Variants in ELP2 observed in about 807,000 individuals in gnomAD.
ELP2 encodes elongator complex protein 2.
ELP2 carries 90 observed loss-of-function variants against 119.2 expected under a neutral mutation model. The ratio of observed to expected loss-of-function variants is 0.75; its 90% CI spans 0.64 to 0.90. The LOEUF (loss-of-function observed/expected upper bound fraction) is 0.90. Among genes scored for constraint, ELP2 ranks in the 40% least tolerant of loss-of-function variants. The pLI, the probability that ELP2 is intolerant of heterozygous loss-of-function variation, is 0.00. For synonymous variants in ELP2, 339 were observed against 331.0 expected, an observed-to-expected ratio of 1.02 and a Z score of -0.26; for missense variants, 921 against 967.8, an observed-to-expected ratio of 0.95 and a Z score of 0.64.
At position 36,130,039 on chromosome 18, in the gene ELP2, A is replaced by G. The variant is rs2089537158; in HGVS notation, c.106A>G (p.Thr36Ala). 6.2e-7 allele frequency: 1 copy of G among 1,614,010 alleles called. No individual in the cohort carries two copies. Among genetic ancestry groups the G allele is most frequent in the Non-Finnish European group, 8.5e-7 (1 of 1,180,018 alleles). Reference sequence around the variant, plus strand: ...GCCCAGAGGACTTCTGGCCTTTGGCACGTCCTGCTCCGTGGTGCTCTATGA... The same window carrying G: ...GCCCAGAGGACTTCTGGCCTTTGGCGCGTCCTGCTCCGTGGTGCTCTATGA... Reference protein sequence around the residue: ...SGPRGLLAFGTSCSVVLYDPL... With the variant: ...SGPRGLLAFGASCSVVLYDPL... Residue 36 changes from threonine to alanine, a missense_variant, in exon 1 of 22, where the codon ACG (threonine) becomes GCG (alanine). By Grantham distance (58) the Thr-to-Ala change is moderately conservative. Transcript: ENST00000358232.
At chr18:36,130,101 T>TG in intron 1 of ELP2, 30 bp downstream of exon 1, 1 of 1,613,706 alleles carries the variant, frequency 6.2e-7, no homozygotes, top group Non-Finnish European at 8.5e-7. Context: ...GGCCGACCCT[T>TG]GTGCTTTTCG....
chr18:36,170,122 C>T lies in ELP2; in HGVS notation c.2136C>T (p.Pro712=), dbSNP rs745699889. 1 of 1,614,098 alleles carries T rather than the reference C, an allele frequency of 6.2e-7. No individual in the cohort carries two copies. Among genetic ancestry groups the T allele is most frequent in the Non-Finnish European group, 8.5e-7 (1 of 1,180,018 alleles). ...TDDCIEHNIG[P]CSSVLDVGGA... ...ACTGTATTGAGCACAACATTGGCCC[C>T]TGCTCCTCAGTCCTGGACGTGGGTG... The change falls in exon 20 of 22, where the codon CCC becomes CCT. Residue 712 remains proline (P), a synonymous_variant. Transcript: ENST00000358232.
Position 36,177,635 on chromosome 18 carries a change from A to G in ELP2, c.*2994A>G, listed in dbSNP as rs1476320405. 6.6e-6 allele frequency: 1 copy of G among 152,176 alleles called. No homozygotes were observed. Among genetic ancestry groups the G allele is most frequent in the Non-Finnish European group, 1.5e-5 (1 of 68,032 alleles). The allele number at this position is 152,176 out of a possible 1,614,324, so 9.4% of individuals were successfully genotyped here. A position where few individuals can be genotyped will look rare whatever the true frequency, so the allele number is the denominator to read the frequency against. On this transcript the variant is annotated 3_prime_UTR_variant, in exon 22 of 22. Coordinates refer to ENST00000358232, the MANE Select transcript of ELP2 (RefSeq NM_018255.4). ...AACTGTACACTCTAAAATGGTTAAG[A>G]TGGTAAATCTTATCTTTATTTTACC... is the stretch of plus-strand genomic sequence containing the variant.
chr18:36,133,166 C>T (rs1386159267), intron 1 of ELP2, 72 bp from the exon 2 acceptor site: 4 of 1,035,922 alleles, frequency 3.9e-6, no homozygotes, highest in African/African-American at 1.6e-5. Flanking sequence ...ACACTGAAAT[C>T]TGTTTTTACT....
Position 36,146,332 on chromosome 18 carries a change from A to G in ELP2, c.1076A>G (p.His359Arg), listed in dbSNP as rs16967474. 0.012 allele frequency: 18,580 copies of G among 1,614,048 alleles called. 1,048 individuals carry two copies. The African/African-American group carries it at 0.15, about 13-fold the overall frequency. ...FNEDGSMIIA[H>R]AFHGALHLWK... ...GAAGATGGCTCCATGATCATTGCTC[A>G]TGCTTTCCACGGAGCGTTGCACCTT... Residue 359 changes from histidine to arginine, a missense_variant, in exon 11 of 22, where the codon CAT becomes CGT. By Grantham distance (29) the His-to-Arg change is conservative. Coordinates refer to ENST00000358232, the MANE Select transcript of ELP2 (RefSeq NM_018255.4).
Position 36,145,968 on chromosome 18 carries a change from G to A in ELP2, c.913G>A (p.Val305Met), listed in dbSNP as rs1785928. The change falls in exon 10 of 22, where the codon GTG (valine) becomes ATG (methionine). Residue 305 changes from valine to methionine, a missense_variant. Coordinates refer to ENST00000358232, the MANE Select transcript of ELP2 (RefSeq NM_018255.4). ...FYKDGVLQQPVRLLSASMDKT... is the reference protein window; with the variant it reads ...FYKDGVLQQPMRLLSASMDKT... Reference sequence around the variant, plus strand: ...TTTAGATGGTGTCCTACAGCAGCCAGTGAGATTATTATCTGCTTCCATGGA... The same window carrying A: ...TTTAGATGGTGTCCTACAGCAGCCAATGAGATTATTATCTGCTTCCATGGA... 0.35 allele frequency: 572,038 copies of A among 1,611,440 alleles called. 103,372 individuals carry two copies. Among genetic ancestry groups the A allele is most frequent in the Admixed American group, 0.39 (23,328 of 60,002 alleles).
intron 17 of ELP2, among the ~76,000 whole-genome samples, chr18:36,163,838 C>T (rs1010091512): frequency 4.6e-5 from 7 of 151,960 alleles, no homozygotes; most frequent in African/African-American, 9.7e-5. Context: ...CTGTTAGTAA[C>T]GATAGTGTTT....
chr18:36,138,626 A>G (rs1192158862), intron 4 of ELP2, 169 bp from the exon 5 acceptor site: 51 of 865,620 alleles, frequency 5.9e-5, no homozygotes, highest in Non-Finnish European at 4.8e-5. Flanking sequence ...TGCTGTCTGT[A>G]ACATCATTAA....
intron 18 of ELP2, chr18:36,166,864 G>C (rs1400867810): frequency 3.4e-6 from 1 of 292,964 alleles, no homozygotes; most frequent in East Asian, 5.8e-5. Context: ...GAAGATGTTT[G>C]TCATCAGTCA....
At chr18:36,149,780 TAC>T (rs1288376783) in intron 11 of ELP2, among the ~76,000 whole-genome samples, 1 of 151,990 alleles carries the variant, frequency 6.6e-6, no homozygotes, top group Non-Finnish European at 1.5e-5. Context: ...TGAGTGTGAG[TAC>T]ACACTCATGA....
At chr18:36,140,469 CCT>C (rs1265942504) in intron 5 of ELP2, among the ~76,000 whole-genome samples, 1 of 152,078 alleles carries the variant, frequency 6.6e-6, no homozygotes, top group Non-Finnish European at 1.5e-5. Context: ...GCTTCAGCCT[CCT>C]GAGTAACTGG....
chr18:36,145,104 A>C, intron 9 of ELP2, 70 bp downstream of exon 9: 1 of 1,221,440 alleles, frequency 8.2e-7, no homozygotes, highest in Non-Finnish European at 1.2e-6. Context: ...TGACCAAATC[A>C]AGTGGAGAAT....
At chr18:36,140,062 T>C (rs765031878) in intron 5 of ELP2, among the ~76,000 whole-genome samples, 4 of 152,146 alleles carry the variant, frequency 2.6e-5, no homozygotes, top group Non-Finnish European at 5.9e-5. Context: ...CAGGCTGGTC[T>C]TGGACTCCTG....
At chr18:36,147,169 G>C (rs1017762810) in intron 11 of ELP2, among the ~76,000 whole-genome samples, 4 of 151,116 alleles carry the variant, frequency 2.6e-5, no homozygotes, top group Non-Finnish European at 5.9e-5. Context: ...ATTCTCCTGG[G>C]GTTAAGCCAT....
intron 14 of ELP2, 130 bp from the exon 15 acceptor site, chr18:36,159,605 C>A: frequency 1.3e-6 from 1 of 747,150 alleles, no homozygotes; most frequent in East Asian, 2.5e-5. Context: ...CCTTTGGAAT[C>A]ACATGGACAC....
At chr18:36,131,569 C>G (rs2089628651) in intron 1 of ELP2, among the ~76,000 whole-genome samples, 1 of 152,190 alleles carries the variant, frequency 6.6e-6, no homozygotes. Context: ...CTTTTAAAAT[C>G]AACTCCGTCG....
chr18:36,172,813 T>G (rs1048029860), intron 21 of ELP2, among the ~76,000 whole-genome samples: 73 of 152,342 alleles, frequency 4.8e-4, no homozygotes, highest in African/African-American at 1.7e-3. Context: ...TTTGAGTTTT[T>G]TGTCTGAAGG....
intron 19 of ELP2, among the ~76,000 whole-genome samples, chr18:36,169,227 G>A (rs1282224346): frequency 1.3e-5 from 2 of 151,352 alleles, no homozygotes; most frequent in East Asian, 3.9e-4. Context: ...CGCTCAGCCT[G>A]CTCTCCATTT....
At position 36,176,980 on chromosome 18, in the gene ELP2, G is replaced by T. The variant is rs1003230904; in HGVS notation, c.*2339G>T. On this transcript the variant is annotated 3_prime_UTR_variant, in exon 22 of 22. Transcript: ENST00000358232. The stretch of plus-strand genomic sequence containing the variant: ...TTTTCTGTAGTGACGCACGTGTTGT[G>T]TGTGTATGTGTGCGTTTGAGGCTAT... 1 of 152,100 alleles carries T rather than the reference G, an allele frequency of 6.6e-6. No individual in the cohort carries two copies. The highest frequency in any genetic ancestry group is 6.5e-5 in the Admixed American group (1 of 15,268). 9.4% of individuals were successfully genotyped at this position (152,100 alleles called of 1,614,324 possible).
Sources: allele counts gnomAD v4.1 joint callset (sites outside exome capture counted in the v4.1 genomes callset), GRCh38; gene constraint gnomAD v4.1.1; transcripts MANE v1.5; gene names NCBI Gene and HGNC (gene_info 2026-07-23, HGNC 2026-07-21).